Variants in CASKIN2 observed in about 807,000 individuals in gnomAD.
CASKIN2 encodes the protein caskin-2.
A neutral mutation model predicts 107.1 loss-of-function variants in CASKIN2; 41 were observed. The observed-to-expected ratio is 0.38, with a 90% CI of 0.30 to 0.50. The LOEUF is 0.50. Ranked by LOEUF, CASKIN2 falls within the 20% of genes least tolerant of loss-of-function variation. The pLI is 0.92. For synonymous variants in CASKIN2, 724 were observed against 705.6 expected (o/e 1.03, Z -0.41); for missense variants, 1,546 against 1,657.4 (o/e 0.93, Z 1.17).
intron 2 of CASKIN2, among the ~76,000 whole-genome samples, chr17:75,510,393 G>A (rs1418057938): frequency 1.3e-5 from 2 of 151,914 alleles, no homozygotes; most frequent in Non-Finnish European, 2.9e-5. Flanking sequence ...CTAAACCCCA[G>A]AAGAAAAAAG....
At chr17:75,514,647 C>T (rs2053341370) in intron 1 of CASKIN2, among the ~76,000 whole-genome samples, 1 of 152,196 alleles carries the variant, frequency 6.6e-6, no homozygotes, top group Non-Finnish European at 1.5e-5. Context: ...AGGCACCAGC[C>T]CCCAGATTCC....
rs1211182612 is a variant in CASKIN2 at position 75,503,980 on chromosome 17, G to C, written c.1468-18C>G. Reference sequence around the variant, plus strand: ...TGCGCGTCCTGCGGGGTGGGGGAAGGGGGCAGAATTAGCAGGAGCTGGACC... The same window carrying C: ...TGCGCGTCCTGCGGGGTGGGGGAAGCGGGCAGAATTAGCAGGAGCTGGACC... On this transcript the variant is annotated intron_variant, in intron 14 of 19. Transcript: ENST00000321617. The C allele has an allele frequency of 6.3e-7, 1 of 1,599,290 alleles. No homozygotes were observed. The highest frequency in any genetic ancestry group is 1.3e-5 in the African/African-American group (1 of 74,648).
intron 1 of CASKIN2, 133 bp from the exon 2 acceptor site, chr17:75,514,341 T>G (rs1196491037): frequency 5.1e-6 from 2 of 388,660 alleles, no homozygotes; most frequent in African/African-American, 4.2e-5. Context: ...TCGGAGTCGA[T>G]GGTGATGCTG....
rs974848456 is a variant in CASKIN2, at chr17:75,506,328, C to T, written c.703G>A (p.Glu235Lys). ...ACCTCCAGAAGCAGCCGCACCACCTCGGTCTTGCCATACAGTGCGGCCTCG... is the reference window on the plus strand; with the variant it reads ...ACCTCCAGAAGCAGCCGCACCACCTTGGTCTTGCCATACAGTGCGGCCTCG... ...LHEAALYGKT[E>K]VVRLLLEGGV... The change falls in exon 8 of 20, where the codon GAG becomes AAG. Residue 235 changes from glutamate (E) to lysine (K), a missense_variant. Around this residue, in one of 6 missense-constraint regions of CASKIN2, gnomAD observed 62 missense variants for 81.1 expected, o/e 0.76. Coordinates refer to ENST00000321617, the MANE Select transcript of CASKIN2 (RefSeq NM_020753.5). The surrounding 1 kb of genome is among the most constrained non-coding windows in gnomAD (Gnocchi z 4.8). The T allele has an allele frequency of 4.3e-6, 7 of 1,611,828 alleles. No individual in the cohort carries two copies. In the East Asian group the frequency reaches 6.7e-5, roughly 15 times the overall value.
intron 2 of CASKIN2, 93 bp from the exon 3 acceptor site, chr17:75,508,378 G>C: frequency 7.1e-7 from 1 of 1,414,656 alleles, no homozygotes; most frequent in Non-Finnish European, 9.8e-7. Context: ...CTGACCTCTT[G>C]GCGTGCAGGA....
In CASKIN2 at chr17:75,503,018, C is replaced by T; in HGVS notation, c.2056G>A (p.Glu686Lys). 1 of 1,605,322 alleles carries T rather than the reference C, an allele frequency of 6.2e-7. No individual in the cohort carries two copies. Among genetic ancestry groups the T allele is most frequent in the Non-Finnish European group, 8.5e-7 (1 of 1,178,514 alleles). ...LQAAMAGGGP[E>K]PLPLPPARSP... ...CGGGCAGGTGGGAGGGGGAGTGGTT[C>T]AGGGCCACCCCCTGCCATGGCCGCC... Residue 686 changes from glutamate (E) to lysine (K), a missense_variant, in exon 18 of 20, where the codon GAA (glutamate) becomes AAA (lysine). Coordinates refer to ENST00000321617, the MANE Select transcript of CASKIN2 (RefSeq NM_020753.5).
rs1469225609 is a variant in CASKIN2 at position 75,506,786 on chromosome 17, C to T, written c.486+13G>A. ...ATGTCCAGGACCCAGCACCCCAAGGCTGCAGGCCTCACCTTGAGTCGGCCA... is the reference window on the plus strand; with the variant it reads ...ATGTCCAGGACCCAGCACCCCAAGGTTGCAGGCCTCACCTTGAGTCGGCCA... On this transcript the variant is annotated intron_variant, in intron 6 of 19. Transcript: ENST00000321617. This position sits in a 1 kb window ranked among gnomAD's most constrained non-coding sequence, Gnocchi z 4.8. The T allele has an allele frequency of 1.2e-6, 2 of 1,613,844 alleles. No homozygotes were observed. Among genetic ancestry groups the T allele is most frequent in the East Asian group, 2.2e-5 (1 of 44,880 alleles).
intron 2 of CASKIN2, chr17:75,509,738 A>T (rs1386993940): frequency 1.0e-6 from 1 of 985,440 alleles, no homozygotes; most frequent in Non-Finnish European, 1.2e-6. Flanking sequence ...TCTGAGCCCC[A>T]GTGGAGACAA....
chr17:75,507,887 C>G (rs552695663), intron 3 of CASKIN2: 4 of 573,722 alleles, frequency 7.0e-6, no homozygotes, highest in Non-Finnish European at 9.3e-6. Flanking sequence ...GTTTGTCTCG[C>G]CCCCCCGCCT....
chr17:75,503,601 A>AG, intron 16 of CASKIN2, 58 bp downstream of exon 16: 4 of 1,605,450 alleles, frequency 2.5e-6, no homozygotes, highest in Non-Finnish European at 3.4e-6. Flanking sequence ...GGCACCGCAA[A>AG]GCCACAGCTG....
At chr17:75,511,059 CTTT>C (rs149349828) in intron 2 of CASKIN2, among the ~76,000 whole-genome samples, 4 of 115,074 alleles carry the variant, frequency 3.5e-5, no homozygotes, top group Admixed American at 9.3e-5. Context: ...TTTCCCTGTC[CTTT>C]TTTTTTTTTT....
chr17:75,503,193 C>T lies in CASKIN2; in HGVS notation c.1881G>A (p.Leu627=). 1.3e-6 allele frequency: 2 copies of T among 1,598,760 alleles called. No individual in the cohort carries two copies. The highest frequency in any genetic ancestry group is 1.7e-6 in the Non-Finnish European group (2 of 1,175,232). ...CGCCTTCGCTGAGGGCCTCCCCCTGCAGCAGGCCCCGCCGAAGCTCCGCCA... is the reference window on the plus strand; with the variant it reads ...CGCCTTCGCTGAGGGCCTCCCCCTGTAGCAGGCCCCGCCGAAGCTCCGCCA... ...KRLAELRRGL[L]QGEALSEGGR... is the part of the protein sequence containing the mutation. The change falls in exon 18 of 20, where the codon CTG becomes CTA. Residue 627 remains leucine, a synonymous_variant. Coordinates refer to ENST00000321617, the MANE Select transcript of CASKIN2 (RefSeq NM_020753.5).
In CASKIN2 at chr17:75,502,515, A is replaced by G; in HGVS notation, c.2559T>C (p.Thr853=). The change falls in exon 18 of 20, where the codon ACT becomes ACC. Residue 853 remains threonine, a synonymous_variant. Transcript: ENST00000321617. The surrounding 1 kb of genome is among the most constrained non-coding windows in gnomAD (Gnocchi z 4.3). ...PSVTPTPARG[T]PRSQSFALRA... ...GCAGGGCAAAGGACTGGCTGCGAGG[A>G]GTCCCCCGAGCTGGGGTTGGGGTCA... The G allele has an allele frequency of 6.8e-7, 1 of 1,473,918 alleles. No homozygotes were observed. The highest frequency in any genetic ancestry group is 9.0e-7 in the Non-Finnish European group (1 of 1,107,666). The allele number at this position is 1,473,918 out of a possible 1,614,324, so 91.3% of individuals were successfully genotyped here.
Position 75,501,546 on chromosome 17 carries a change from C to G in CASKIN2, c.3440G>C (p.Arg1147Thr), listed in dbSNP as rs1201198686. ...CAGGGACGAGCTGGTCTGCTCCAGT[C>G]TCTGCTGGGCCTGGCCTGGGCCCAC... is the stretch of plus-strand genomic sequence containing the variant. Reference protein sequence around the residue: ...GTVGPGQAQQRLEQTSSSLAA... With the variant: ...GTVGPGQAQQTLEQTSSSLAA... Residue 1147 changes from arginine to threonine, a missense_variant, in exon 19 of 20, where the codon AGA (arginine) becomes ACA (threonine). Arg to Thr is a moderately conservative substitution (Grantham distance 71, BLOSUM62 -1). Coordinates refer to ENST00000321617, the MANE Select transcript of CASKIN2 (RefSeq NM_020753.5). 4 of 1,612,450 alleles carry G rather than the reference C, an allele frequency of 2.5e-6. No individual in the cohort carries two copies. The Admixed American group carries it at 5.0e-5, about 20-fold the overall frequency.
At position 75,503,448 on chromosome 17, in the gene CASKIN2, A is replaced by C; in HGVS notation, c.1760T>G (p.Met587Arg). Residue 587 changes from methionine (M) to arginine (R), a missense_variant, in exon 17 of 20, where the codon ATG becomes AGG. This residue lies in a region of CASKIN2 where 1,311 missense variants were observed against 1,311.0 expected (regional missense o/e 1.00). Transcript: ENST00000321617. ...KQLVSSGYDS[M>R]GLVADLTWEE... is the part of the protein sequence containing the mutation. The stretch of plus-strand genomic sequence containing the variant: ...CCAGGTGAGGTCGGCCACCAGCCCC[A>C]TGGAGTCGTAGCCGCTGCTCACCAG... 2 of 1,612,930 alleles carry C rather than the reference A, an allele frequency of 1.2e-6. No homozygotes were observed.
At chr17:75,501,374 TC>T (rs1423423608) in intron 19 of CASKIN2, 93 bp downstream of exon 19, 4 of 1,391,930 alleles carry the variant, frequency 2.9e-6, no homozygotes, top group Non-Finnish European at 4.0e-6. Context: ...GCCTGCAATG[TC>T]CCCCTCCAAC....
intron 1 of CASKIN2, among the ~76,000 whole-genome samples, chr17:75,515,048 C>T (rs9807061): frequency 6.6e-6 from 1 of 152,192 alleles, no homozygotes; most frequent in Non-Finnish European, 1.5e-5. Context: ...ACTCCCCAAA[C>T]GTCCCAAGCC....
Position 75,500,854 on chromosome 17 carries a change from C to A in CASKIN2, c.*226G>T, listed in dbSNP as rs556757882. 3 of 546,194 alleles carry A rather than the reference C, an allele frequency of 5.5e-6. No homozygotes were observed. In the African/African-American group the frequency reaches 5.7e-5, roughly 10 times the overall value. 33.8% of individuals were successfully genotyped at this position (546,194 alleles called of 1,614,324 possible). On this transcript the variant is annotated 3_prime_UTR_variant, in exon 20 of 20. Coordinates refer to ENST00000321617, the MANE Select transcript of CASKIN2 (RefSeq NM_020753.5). Reference sequence around the variant, plus strand: ...TCAATCGATCAAACCCTGGGAGGGGCTTTGCTGAGATGCAGCGGAGGTCCC... The same window carrying A: ...TCAATCGATCAAACCCTGGGAGGGGATTTGCTGAGATGCAGCGGAGGTCCC...
chr17:75,502,687 C>G lies in CASKIN2; in HGVS notation c.2387G>C (p.Arg796Pro). The G allele has an allele frequency of 6.3e-7, 1 of 1,597,340 alleles. No individual in the cohort carries two copies. The highest frequency in any genetic ancestry group is 8.5e-7 in the Non-Finnish European group (1 of 1,172,058). The part of the protein sequence containing the change: ...ATPPDPPRPK[R>P]RSHSLSRPGP... ...AGGGCGGCTTAGGCTGTGGGACCGG[C>G]GCTTAGGTCGAGGCGGGTCTGGGGG... Residue 796 changes from arginine (R) to proline (P), a missense_variant, in exon 18 of 20, where the codon CGC becomes CCC. Physicochemically the swap from Arg to Pro is moderately radical, Grantham distance 103 (BLOSUM62 -2). Coordinates refer to ENST00000321617, the MANE Select transcript of CASKIN2 (RefSeq NM_020753.5). This position sits in a 1 kb window ranked among gnomAD's most constrained non-coding sequence, Gnocchi z 4.3.
Sources: allele counts gnomAD v4.1 joint callset (sites outside exome capture counted in the v4.1 genomes callset), GRCh38; gene constraint gnomAD v4.1.1; regional missense constraint gnomAD v4.1.1; non-coding constraint Gnocchi (gnomAD v3.1); transcripts MANE v1.5; gene names NCBI Gene and HGNC (gene_info 2026-07-23, HGNC 2026-07-21).